Variants in TAS1R2 observed in about 807,000 individuals in gnomAD.
TAS1R2 encodes the protein taste 1 receptor member 2, also known as taste receptor type 1 member 2.
Under a neutral mutation model 49.3 loss-of-function variants are expected in TAS1R2, and 47 were observed. That is an observed-to-expected ratio of 0.95 (90% confidence interval 0.75 to 1.22). The LOEUF is 1.22. Ranked by LOEUF, TAS1R2 falls within the 50% of genes most tolerant of loss-of-function variation. The pLI is 0.00. For synonymous variants in TAS1R2, 479 were observed against 467.9 expected, an observed-to-expected ratio of 1.02 and a Z score of -0.31; for missense variants, 1,155 against 1,122.1, an observed-to-expected ratio of 1.03 and a Z score of -0.42.
At chr1:18,851,116 A>G (rs1343473036) in intron 3 of TAS1R2, among the ~76,000 whole-genome samples, 1 of 152,168 alleles carries the variant, frequency 6.6e-6, no homozygotes, top group African/African-American at 2.4e-5. Context: ...ATGATAGCTA[A>G]GCTCTGCCCA....
rs78068574 is a variant in TAS1R2, at chr1:18,857,200, G to A, written c.483+131C>T. ...GGGCTACCTTCTCAAGATTTGGGCT[G>A]ATGTCCTGACCCTGCTTCTGGTCCT... On this transcript the variant is annotated intron_variant, in intron 2 of 5. Coordinates refer to ENST00000375371, the Ensembl canonical transcript of TAS1R2. 1.0e-3 allele frequency: 1,091 copies of A among 1,054,906 alleles called. 1 individual carries two copies. Among genetic ancestry groups the A allele is most frequent in the Non-Finnish European group, 1.3e-3 (1,000 of 741,468 alleles). 65.3% of individuals were successfully genotyped at this position (1,054,906 alleles called of 1,614,324 possible).
chr1:18,845,809 G>T (rs918138436), intron 4 of TAS1R2, among the ~76,000 whole-genome samples: 1 of 152,158 alleles, frequency 6.6e-6, no homozygotes, highest in Admixed American at 6.5e-5. Context: ...GCAACTAAGG[G>T]CCCAGACACC....
Position 18,849,406 on chromosome 1 carries a change from A to G in TAS1R2, c.1402T>C (p.Tyr468His), listed in dbSNP as rs201352113. The G allele has an allele frequency of 1.2e-4, 200 of 1,614,080 alleles. No homozygotes were observed. Among genetic ancestry groups the G allele is most frequent in the Middle Eastern group, 1.6e-4 (1 of 6,082 alleles). ...TTCAGCTGTCGCTGCAGGGGGTAGT[A>G]GGAGGCGACGCTCTGGAAGGGATTC... is the stretch of plus-strand genomic sequence containing the variant. The change falls in exon 4 of 6, where the codon TAC becomes CAC. Residue 468 changes from tyrosine to histidine, a missense_variant. Tyr to His is a moderately conservative substitution (Grantham distance 83, BLOSUM62 2). Transcript: ENST00000375371.
intron 4 of TAS1R2, among the ~76,000 whole-genome samples, chr1:18,842,162 T>C (rs1189937447): frequency 1.3e-5 from 2 of 152,184 alleles, no homozygotes; most frequent in African/African-American, 4.8e-5. Context: ...AGAGAAATTC[T>C]GAACTCCAGC....
exon 6 of TAS1R2, chr1:18,839,792 A>T: frequency 1.9e-6 from 3 of 1,614,190 alleles, no homozygotes; most frequent in Non-Finnish European, 2.5e-6. Context: ...GAAGGTGCAG[A>T]GGGAGACGGA....
At chr1:18,858,050 C>T (rs369126405) in intron 1 of TAS1R2, among the ~76,000 whole-genome samples, 4 of 152,012 alleles carry the variant, frequency 2.6e-5, no homozygotes, top group African/African-American at 9.7e-5. Context: ...CCACCATCAT[C>T]ACCGTCACCA....
intron 1 of TAS1R2, among the ~76,000 whole-genome samples, chr1:18,859,278 C>T (rs576105065): frequency 2.0e-5 from 3 of 152,290 alleles, no homozygotes; most frequent in Non-Finnish European, 4.4e-5. Flanking sequence ...AGAGCACAGT[C>T]GCCAAAGATT....
At chr1:18,842,678 C>T (rs943724626) in intron 4 of TAS1R2, among the ~76,000 whole-genome samples, 1 of 152,070 alleles carries the variant, frequency 6.6e-6, no homozygotes, top group African/African-American at 2.4e-5. Context: ...AAAATAAAAA[C>T]ACAACATAAC....
chr1:18,840,500 T>C, exon 6 of TAS1R2: 1 of 1,614,206 alleles, frequency 6.2e-7, no homozygotes. Context: ...CCACTCGTTA[T>C]TCGGGCAGGC....
chr1:18,844,923 C>T (rs1427525767), intron 4 of TAS1R2, among the ~76,000 whole-genome samples: 2 of 152,210 alleles, frequency 1.3e-5, no homozygotes, highest in African/African-American at 4.8e-5. Context: ...GCTGACCTAG[C>T]TACTGCCATT....
chr1:18,839,633 C>T (rs1162311969), exon 6 of TAS1R2: 2 of 1,612,354 alleles, frequency 1.2e-6, no homozygotes, highest in South Asian at 2.2e-5. Flanking sequence ...CTGGATCATG[C>T]TGTTGAAGTA....
At chr1:18,857,228 C>A in intron 2 of TAS1R2, 103 bp downstream of exon 2, 7 of 1,323,210 alleles carry the variant, frequency 5.3e-6, no homozygotes, top group Non-Finnish European at 7.2e-6. Flanking sequence ...CTGGTCCTAT[C>A]ATCACCTCCC....
Position 18,839,988 on chromosome 1 carries a change from C to T in TAS1R2, c.2131G>A (p.Asp711Asn), listed in dbSNP as rs150131445. The change falls in exon 6 of 6, where the codon GAT (aspartate) becomes AAT (asparagine). Residue 711 changes from aspartate to asparagine, a missense_variant. By Grantham distance (23) the Asp-to-Asn change is conservative. Coordinates refer to ENST00000375371, the Ensembl canonical transcript of TAS1R2. ...GAGACAATTGTGATCTTGGGGTCAT[C>T]GGGGTCAGTACGGGTGGTGGGACTG... The T allele has an allele frequency of 7.2e-5, 117 of 1,614,120 alleles. No individual in the cohort carries two copies. The African/African-American group carries it at 9.1e-4, about 13-fold the overall frequency.
chr1:18,850,584 T>C (rs1261070636), intron 3 of TAS1R2, among the ~76,000 whole-genome samples: 2 of 152,270 alleles, frequency 1.3e-5, no homozygotes, highest in Non-Finnish European at 2.9e-5. Context: ...CGGAGGCCCC[T>C]GGGAATCAGG....
At chr1:18,847,312 T>C (rs1328086413) in intron 4 of TAS1R2, among the ~76,000 whole-genome samples, 1 of 152,144 alleles carries the variant, frequency 6.6e-6, no homozygotes, top group Non-Finnish European at 1.5e-5. Flanking sequence ...TGCTGACACT[T>C]TGATCTTGGA....
chr1:18,857,649 T>C lies in TAS1R2; in HGVS notation c.183-18A>G. On this transcript the variant is annotated intron_variant, in intron 1 of 5. Coordinates refer to ENST00000375371, the Ensembl canonical transcript of TAS1R2. ...CTTCATACCTGGAGGGGCCACAGCA[T>C]CATGAGGTGGAAGCAGATCCAGAAT... 6.2e-7 allele frequency: 1 copy of C among 1,604,536 alleles called. No homozygotes were observed. The highest frequency in any genetic ancestry group is 8.5e-7 in the Non-Finnish European group (1 of 1,174,762).
exon 1 of TAS1R2, chr1:18,859,649 C>G: frequency 6.2e-7 from 1 of 1,614,182 alleles, no homozygotes; most frequent in African/African-American, 1.3e-5. Context: ...TGGTCTTTGC[C>G]CTGGGCCCCA....
At chr1:18,840,367 C>T in exon 6 of TAS1R2, 2 of 1,614,126 alleles carry the variant, frequency 1.2e-6, no homozygotes, top group Non-Finnish European at 1.7e-6. Context: ...AGAATATCAC[C>T]AGGATGGCCA....
At chr1:18,852,387 G>T (rs987704572) in intron 3 of TAS1R2, among the ~76,000 whole-genome samples, 3 of 152,194 alleles carry the variant, frequency 2.0e-5, no homozygotes, top group African/African-American at 7.2e-5. Flanking sequence ...ACAGGTCTGC[G>T]TGCATCCAAA....
Sources: allele counts gnomAD v4.1 joint callset (sites outside exome capture counted in the v4.1 genomes callset), GRCh38; gene constraint gnomAD v4.1.1; transcripts MANE v1.5; gene names NCBI Gene and HGNC (gene_info 2026-07-23, HGNC 2026-07-21).